CHN2: variants seen among roughly 807,000 people sequenced by gnomAD.
The protein encoded by CHN2 is beta-chimaerin.
Under a neutral mutation model 56.3 loss-of-function variants are expected in CHN2, and 35 were observed. That is an observed-to-expected ratio of 0.62 (90% confidence interval 0.47 to 0.82). CHN2 has a LOEUF of 0.82. CHN2 is among the 40% of genes least tolerant of loss of function. The pLI, the probability that CHN2 is intolerant of heterozygous loss-of-function variation, is 0.00. For missense variants in CHN2, 491 were observed against 580.5 expected (o/e 0.85, Z 1.58); for synonymous variants, 210 against 212.8 (o/e 0.99, Z 0.12).
chr7:29,461,113 G>A (rs1785134224), intron 6 of CHN2, among the ~76,000 whole-genome samples: 1 of 152,180 alleles, frequency 6.6e-6, no homozygotes, highest in African/African-American at 2.4e-5. Flanking sequence ...GTAATAAATG[G>A]CAGGGAAACC....
At chr7:29,314,558 T>A (rs1437254556) in intron 1 of CHN2, among the ~76,000 whole-genome samples, 3 of 152,132 alleles carry the variant, frequency 2.0e-5, no homozygotes, top group African/African-American at 7.2e-5. Context: ...AAAAATAAAA[T>A]TAAGTGTAAA....
chr7:29,404,542 T>C (rs1802477011), intron 6 of CHN2, among the ~76,000 whole-genome samples: 1 of 152,108 alleles, frequency 6.6e-6, no homozygotes, highest in Non-Finnish European at 1.5e-5. Flanking sequence ...TTATGGTACA[T>C]CCATGTTAAG....
At position 29,430,095 on chromosome 7, in the gene CHN2, A is replaced by G. The variant is rs537490977; in HGVS notation, c.576+29267A>G. 8.5e-4 allele frequency among the ~76,000 whole-genome samples: 129 copies of G among 152,330 alleles called. 1 individual carries two copies. The highest frequency in any genetic ancestry group is 1.1e-3 in the Admixed American group (17 of 15,304). ...GATATATTGCTTAATATTTTCTTAG[A>G]GTTTAAAGGTAGCAAATCTTTGTTG... On this transcript the variant is annotated intron_variant, in intron 6 of 12. Transcript: ENST00000222792.
chr7:29,244,139 T>C (rs1787893199), intron 1 of CHN2, among the ~76,000 whole-genome samples: 1 of 152,204 alleles, frequency 6.6e-6, no homozygotes, highest in African/African-American at 2.4e-5. Context: ...CCTTTCCTCA[T>C]CATTATCTTA....
At chr7:29,439,690 C>T (rs774627653) in intron 6 of CHN2, among the ~76,000 whole-genome samples, 4 of 152,164 alleles carry the variant, frequency 2.6e-5, no homozygotes, top group Non-Finnish European at 4.4e-5. Flanking sequence ...CTCTTATTCA[C>T]AGCTTTGAGC....
intron 6 of CHN2, among the ~76,000 whole-genome samples, chr7:29,468,111 T>G (rs1785693794): frequency 7.3e-6 from 1 of 137,812 alleles, no homozygotes; most frequent in African/African-American, 2.7e-5. Flanking sequence ...TGGGCCGCCA[T>G]GACATCTTCA....
At chr7:29,454,773 A>G (rs982407810) in intron 6 of CHN2, among the ~76,000 whole-genome samples, 4 of 152,290 alleles carry the variant, frequency 2.6e-5, no homozygotes, top group East Asian at 1.9e-4. Flanking sequence ...CAGTCCTACC[A>G]TGGCTACGTG....
chr7:29,366,801 A>C (rs1008962165), intron 2 of CHN2, among the ~76,000 whole-genome samples: 2 of 152,210 alleles, frequency 1.3e-5, no homozygotes, highest in African/African-American at 4.8e-5. Context: ...GGTAGTCTAC[A>C]CTAATTAGGT....
At chr7:29,509,260 C>G in intron 11 of CHN2, 41 bp from the exon 12 acceptor site, 1 of 1,458,850 alleles carries the variant, frequency 6.9e-7, no homozygotes, top group African/African-American at 1.4e-5. Context: ...AACTTGAATG[C>G]CACACTCTGA....
At chr7:29,454,744 C>A (rs1784629583) in intron 6 of CHN2, among the ~76,000 whole-genome samples, 1 of 152,130 alleles carries the variant, frequency 6.6e-6, no homozygotes, top group Non-Finnish European at 1.5e-5. Context: ...ATCCTAACTT[C>A]AGATGGAACA....
intron 3 of CHN2, among the ~76,000 whole-genome samples, chr7:29,383,819 T>C (rs778697641): frequency 5.3e-5 from 8 of 152,118 alleles, no homozygotes; most frequent in Non-Finnish European, 1.2e-4. Flanking sequence ...CTGAGAGCAA[T>C]GTGACAAGAC....
At chr7:29,465,297 A>T (rs1291996754) in intron 6 of CHN2, among the ~76,000 whole-genome samples, 1 of 152,254 alleles carries the variant, frequency 6.6e-6, no homozygotes, top group Non-Finnish European at 1.5e-5. Context: ...AAGGAAATGT[A>T]GTCTTAGCTA....
At chr7:29,375,763 A>G (rs1329409854) in intron 3 of CHN2, among the ~76,000 whole-genome samples, 3 of 152,100 alleles carry the variant, frequency 2.0e-5, no homozygotes, top group Non-Finnish European at 2.9e-5. Context: ...TGTAACACCA[A>G]CCTTACTCAT....
chr7:29,384,208 T>G (rs1244728905), intron 3 of CHN2, among the ~76,000 whole-genome samples: 2 of 152,160 alleles, frequency 1.3e-5, no homozygotes, highest in East Asian at 3.9e-4. Context: ...GTTTTAACAA[T>G]TTTCATATCA....
At chr7:29,195,629 AGTGTGTGTGT>A (rs70980513) in intron 1 of CHN2, among the ~76,000 whole-genome samples, 128 of 117,476 alleles carry the variant, frequency 1.1e-3, no homozygotes, top group East Asian at 2.3e-3. Context: ...AGAGAGAGAG[AGTGTGTGTGT>A]GTGTGTGTGT....
intron 6 of CHN2, among the ~76,000 whole-genome samples, chr7:29,437,206 G>A (rs890686716): frequency 3.3e-5 from 5 of 152,042 alleles, no homozygotes; most frequent in African/African-American, 9.7e-5. Flanking sequence ...ACACAAATTA[G>A]ACAATAAAGA....
intron 1 of CHN2, among the ~76,000 whole-genome samples, chr7:29,263,076 C>G (rs970292798): frequency 1.3e-5 from 2 of 152,316 alleles, no homozygotes; most frequent in Middle Eastern, 3.4e-3. Context: ...CCTCTGATGC[C>G]GAGCCGAGGC....
At chr7:29,472,818 A>G (rs1379567744) in intron 6 of CHN2, among the ~76,000 whole-genome samples, 1 of 152,204 alleles carries the variant, frequency 6.6e-6, no homozygotes, top group Non-Finnish European at 1.5e-5. Flanking sequence ...TGTTTGTAAA[A>G]TTCCTCTAGG....
At chr7:29,307,351 A>G (rs1794248906) in intron 1 of CHN2, among the ~76,000 whole-genome samples, 1 of 152,214 alleles carries the variant, frequency 6.6e-6, no homozygotes, top group South Asian at 2.1e-4. Flanking sequence ...AAAGGAGTCT[A>G]TGAGTTACAA....
Sources: gnomAD v4.1 joint callset for allele counts (sites outside exome capture counted in the v4.1 genomes callset) on GRCh38, gnomAD v4.1.1 for gene constraint, MANE v1.5 for transcripts, NCBI Gene and HGNC (gene_info 2026-07-23, HGNC 2026-07-21) for gene names.